Variants in SCN11A observed in about 807,000 individuals in gnomAD.
SCN11A encodes sodium channel protein type 11 subunit alpha.
SCN11A carries 122 observed loss-of-function variants against 162.2 expected under a neutral mutation model. The observed-to-expected ratio is 0.75, with a 90% confidence interval of 0.65 to 0.87. SCN11A has a LOEUF of 0.87. SCN11A is among the 40% of genes least tolerant of loss of function. The pLI, the probability that SCN11A is intolerant of heterozygous loss-of-function variation, is 0.00. For missense variants in SCN11A, 2,015 were observed against 2,181.6 expected (o/e 0.92, Z 1.52); for synonymous variants, 758 against 751.5 (o/e 1.01, Z -0.14).
intron 1 of SCN11A, among the ~76,000 whole-genome samples, chr3:39,033,767 GA>G (rs1196166736): frequency 2.0e-5 from 3 of 151,992 alleles, no homozygotes; most frequent in South Asian, 4.2e-4. Context: ...AAAAATATTT[GA>G]AAAAAACTCA....
intron 21 of SCN11A, 149 bp downstream of exon 21, chr3:38,885,139 C>T (rs186310996): frequency 4.4e-4 from 263 of 604,116 alleles, no homozygotes; most frequent in African/African-American, 4.3e-3. Flanking sequence ...ATCCGACAAT[C>T]GCCTCAAGAA....
At chr3:38,887,591 A>G (rs1301956395) in intron 19 of SCN11A, among the ~76,000 whole-genome samples, 1 of 151,730 alleles carries the variant, frequency 6.6e-6, no homozygotes, top group East Asian at 1.9e-4. Context: ...TATAATAATG[A>G]TAAAATAAAA....
At chr3:38,870,463 A>G (rs2065107228) in intron 26 of SCN11A, among the ~76,000 whole-genome samples, 1 of 152,212 alleles carries the variant, frequency 6.6e-6, no homozygotes, top group Admixed American at 6.5e-5. Context: ...GCCACCATGG[A>G]GAAAGAAGAC....
rs150467130 is a variant in SCN11A, at chr3:38,931,410, C to T, written c.489-4479G>A. On this transcript the variant is annotated intron_variant, in intron 7 of 29. Coordinates refer to ENST00000302328, the MANE Select transcript of SCN11A (RefSeq NM_001349253.2). ...AAAGTCTGACCACTAACCGGTGTCCCAGAAACCACTAGAGCCAAGTAAAGG... is the reference window on the plus strand; with the variant it reads ...AAAGTCTGACCACTAACCGGTGTCCTAGAAACCACTAGAGCCAAGTAAAGG... Among the ~76,000 whole-genome samples, 336 of 152,278 alleles carry T rather than the reference C, an allele frequency of 2.2e-3. 1 individual carries two copies. Among genetic ancestry groups the T allele is most frequent in the African/African-American group, 7.9e-3 (329 of 41,548 alleles).
rs570286110 is a variant in SCN11A at position 38,889,367 on chromosome 3, G to A, written c.2836-3129C>T. On this transcript the variant is annotated intron_variant, in intron 19 of 29. Coordinates refer to ENST00000302328, the MANE Select transcript of SCN11A (RefSeq NM_001349253.2). ...TTGAACTCGGCAAGCAGAGGTTGCA[G>A]TGAGATGAGATTGTGCCGTTGCACT... 2.4e-4 allele frequency among the ~76,000 whole-genome samples: 37 copies of A among 152,180 alleles called. No individual in the cohort carries two copies. The South Asian group carries it at 7.7e-3, about 32-fold the overall frequency.
intron 7 of SCN11A, among the ~76,000 whole-genome samples, chr3:38,940,067 TA>T (rs1381118880): frequency 2.7e-5 from 4 of 150,118 alleles, no homozygotes; most frequent in Non-Finnish European, 5.9e-5. Context: ...CATATATATA[TA>T]TATATATAGT....
At chr3:38,922,101 C>T (rs2066062675) in intron 9 of SCN11A, among the ~76,000 whole-genome samples, 1 of 152,172 alleles carries the variant, frequency 6.6e-6, no homozygotes, top group South Asian at 2.1e-4. Context: ...CACTGAGTCT[C>T]AAGATAGCTG....
At chr3:39,003,055 G>A (rs925056392) in intron 2 of SCN11A, among the ~76,000 whole-genome samples, 4 of 152,134 alleles carry the variant, frequency 2.6e-5, no homozygotes, top group African/African-American at 9.7e-5. Flanking sequence ...AGATTCAGAG[G>A]TACCTGTGAA....
chr3:39,011,617 G>A (rs1026086135), intron 2 of SCN11A, among the ~76,000 whole-genome samples: 2 of 152,164 alleles, frequency 1.3e-5, no homozygotes, highest in African/African-American at 4.8e-5. Context: ...AATATCTTGT[G>A]GTTCTAACTT....
chr3:38,939,033 C>T (rs1575317601), intron 7 of SCN11A, among the ~76,000 whole-genome samples: 1 of 151,852 alleles, frequency 6.6e-6, no homozygotes, highest in South Asian at 2.1e-4. Context: ...ATTAGCCAGG[C>T]GTGGTGGTGC....
Position 38,846,923 on chromosome 3 carries a change from G to C in SCN11A, c.5147C>G (p.Pro1716Arg), listed in dbSNP as rs751455677. The change falls in exon 30 of 30, where the codon CCT becomes CGT. Residue 1716 changes from proline to arginine, a missense_variant. Physicochemically the swap from Pro to Arg is moderately radical, Grantham distance 103 (BLOSUM62 -2). Transcript: ENST00000302328. ...MMEEKFMEAN[P>R]LKKLYEPIVT... is the part of the protein sequence containing the mutation. ...TATGGGTTCATACAACTTCTTGAGA[G>C]GATTGGCTTCCATGAACTTCTCTTC... 8 of 1,613,998 alleles carry C rather than the reference G, an allele frequency of 5.0e-6. No individual in the cohort carries two copies. In the South Asian group the frequency reaches 5.5e-5, roughly 11 times the overall value.
At chr3:38,912,455 A>G (rs2065898864) in intron 11 of SCN11A, among the ~76,000 whole-genome samples, 3 of 151,384 alleles carry the variant, frequency 2.0e-5, no homozygotes, top group Admixed American at 6.6e-5. Context: ...CAATCTCCAA[A>G]TTTTTTTCTT....
chr3:39,015,271 GCCAGCC>G (rs1049390318), intron 2 of SCN11A, among the ~76,000 whole-genome samples: 1 of 152,126 alleles, frequency 6.6e-6, no homozygotes, highest in African/African-American at 2.4e-5. Flanking sequence ...CTTGACAGAT[GCCAGCC>G]TCTTGATCTT....
chr3:38,859,689 T>A (rs1435858125), intron 28 of SCN11A, among the ~76,000 whole-genome samples: 1 of 152,154 alleles, frequency 6.6e-6, no homozygotes, highest in Non-Finnish European at 1.5e-5. Flanking sequence ...ATGGACTCCA[T>A]CTGCTTCTAA....
chr3:38,938,947 C>G (rs896016914), intron 7 of SCN11A, among the ~76,000 whole-genome samples: 1 of 151,998 alleles, frequency 6.6e-6, no homozygotes, highest in African/African-American at 2.4e-5. Context: ...GAGGCTTAGG[C>G]AGGCGGATCA....
At chr3:38,989,204 T>A (rs987490020) in intron 2 of SCN11A, among the ~76,000 whole-genome samples, 1 of 152,164 alleles carries the variant, frequency 6.6e-6, no homozygotes, top group African/African-American at 2.4e-5. Context: ...TAGTTGAGCA[T>A]CCACCTAGCA....
At chr3:38,901,963 A>G (rs1437937789) in intron 16 of SCN11A, among the ~76,000 whole-genome samples, 2 of 152,176 alleles carry the variant, frequency 1.3e-5, no homozygotes, top group South Asian at 2.1e-4. Flanking sequence ...TGCAAAATGT[A>G]GCTTCACCTC....
At chr3:38,858,047 A>AAACAT (rs914013912) in intron 28 of SCN11A, among the ~76,000 whole-genome samples, 2 of 152,128 alleles carry the variant, frequency 1.3e-5, no homozygotes, top group African/African-American at 4.8e-5. Flanking sequence ...AAACAAAACA[A>AAACAT]ACAAACAAAC....
chr3:38,986,953 T>G (rs1468627454), intron 2 of SCN11A, among the ~76,000 whole-genome samples: 1 of 152,028 alleles, frequency 6.6e-6, no homozygotes, highest in Non-Finnish European at 1.5e-5. Flanking sequence ...TCCCCTGCAT[T>G]TTTGTACCCC....
Sources: allele counts gnomAD v4.1 joint callset (sites outside exome capture counted in the v4.1 genomes callset), GRCh38; gene constraint gnomAD v4.1.1; transcripts MANE v1.5; gene names NCBI Gene and HGNC (gene_info 2026-07-23, HGNC 2026-07-21).